Variants in UBXN2B observed in about 807,000 individuals in gnomAD.
The protein encoded by UBXN2B is UBX domain protein 2B.
UBXN2B carries 19 observed loss-of-function variants against 37.5 expected under a neutral mutation model. That is an observed-to-expected ratio of 0.51 (90% CI 0.35 to 0.74). The LOEUF (loss-of-function observed/expected upper bound fraction) is 0.74. UBXN2B is among the 30% of genes least tolerant of loss of function. The probability of loss-of-function intolerance (pLI) is 0.01; values close to 1 mark genes in which losing one functional copy is unlikely to be tolerated. For synonymous variants in UBXN2B, 145 were observed against 143.8 expected (o/e 1.01, Z -0.06); for missense variants, 370 against 393.2 (o/e 0.94, Z 0.50).
At chr8:58,417,417 T>C (rs1465613522) in intron 2 of UBXN2B, among the ~76,000 whole-genome samples, 5 of 152,224 alleles carry the variant, frequency 3.3e-5, no homozygotes, top group African/African-American at 9.6e-5. Context: ...TCTTTTGTCC[T>C]CCATTTAAGA....
At position 58,450,043 on chromosome 8, in the gene UBXN2B, G is replaced by C. The variant is rs1808769655; in HGVS notation, c.*2492G>C. 6.6e-6 allele frequency: 1 copy of C among 152,164 alleles called. No homozygotes were observed. Among genetic ancestry groups the C allele is most frequent in the Non-Finnish European group, 1.5e-5 (1 of 68,018 alleles). 9.4% of individuals were successfully genotyped at this position (152,164 alleles called of 1,614,324 possible). On this transcript the variant is annotated 3_prime_UTR_variant, in exon 8 of 8. Transcript: ENST00000399598. ...GATTCACACCCTTAATATCTTCAAA[G>C]AGTCTTGTGTGTGACCTGATATTCA...
intron 1 of UBXN2B, 28 bp from the exon 2 acceptor site, chr8:58,416,822 A>C (rs754675983): frequency 6.3e-7 from 1 of 1,595,222 alleles, no homozygotes; most frequent in Admixed American, 1.7e-5. Flanking sequence ...CTAGTGTTAT[A>C]CTTTGTAACA....
chr8:58,425,014 C>T (rs1397375549), intron 2 of UBXN2B: 3 of 783,440 alleles, frequency 3.8e-6, no homozygotes, highest in Non-Finnish European at 7.1e-6. Context: ...CACGACTGGC[C>T]TTGCATGCAT....
rs984800139 is a variant in UBXN2B at position 58,447,911 on chromosome 8, G to A, written c.*360G>A. 1 of 161,526 alleles carries A rather than the reference G, an allele frequency of 6.2e-6. No individual in the cohort carries two copies. Among genetic ancestry groups the A allele is most frequent in the Non-Finnish European group, 1.3e-5 (1 of 74,412 alleles). The allele number at this position is 161,526 out of a possible 1,614,324, so 10.0% of individuals were successfully genotyped here. ...GGTAAAATTTGCACTAAAGTTTCTT[G>A]ATGCAGCATTGACCAACAGCCATTA... On this transcript the variant is annotated 3_prime_UTR_variant, in exon 8 of 8. Coordinates refer to ENST00000399598, the MANE Select transcript of UBXN2B (RefSeq NM_001077619.2).
chr8:58,438,178 T>G (rs867354751), intron 5 of UBXN2B, among the ~76,000 whole-genome samples: 2 of 152,218 alleles, frequency 1.3e-5, no homozygotes, highest in Admixed American at 6.5e-5. Context: ...TCGCATGGTG[T>G]TAAGCCTACA....
chr8:58,447,396 G>A lies in UBXN2B; in HGVS notation c.841G>A (p.Asp281Asn). Reference protein sequence around the residue: ...QRFNSTHRILDVRNFIVQSRP... With the variant: ...QRFNSTHRILNVRNFIVQSRP... ...TTTGTCTTATTTCTTCAGGATCCTGGATGTCCGGAACTTTATTGTACAGTC... is the reference window on the plus strand; with the variant it reads ...TTTGTCTTATTTCTTCAGGATCCTGAATGTCCGGAACTTTATTGTACAGTC... Residue 281 changes from aspartate (D) to asparagine (N), a missense_variant, in exon 8 of 8, where the codon GAT becomes AAT. Coordinates refer to ENST00000399598, the MANE Select transcript of UBXN2B (RefSeq NM_001077619.2). The A allele has an allele frequency of 1.3e-6, 2 of 1,587,640 alleles. No individual in the cohort carries two copies. Among genetic ancestry groups the A allele is most frequent in the Non-Finnish European group, 1.7e-6 (2 of 1,166,528 alleles).
At chr8:58,426,605 G>A (rs533699268) in intron 2 of UBXN2B, 4 of 750,290 alleles carry the variant, frequency 5.3e-6, no homozygotes, top group African/African-American at 5.1e-5. Context: ...CCAAAAAACT[G>A]CTGTCAGCTC....
intron 5 of UBXN2B, among the ~76,000 whole-genome samples, chr8:58,437,114 A>C (rs1808431230): frequency 6.6e-6 from 1 of 152,148 alleles, no homozygotes; most frequent in African/African-American, 2.4e-5. Context: ...AGTGGTTGTG[A>C]CCAAAGTATT....
chr8:58,425,262 G>A (rs1354142836), intron 2 of UBXN2B: 3 of 1,140,228 alleles, frequency 2.6e-6, no homozygotes, highest in Admixed American at 1.7e-5. Context: ...CATCAGGCCA[G>A]TATTTGACAC....
intron 1 of UBXN2B, among the ~76,000 whole-genome samples, chr8:58,416,316 A>G (rs1218461467): frequency 6.6e-6 from 1 of 152,114 alleles, no homozygotes; most frequent in African/African-American, 2.4e-5. Flanking sequence ...TAAATGGTAT[A>G]TAAACCATAT....
At chr8:58,428,347 T>C (rs982080669) in intron 2 of UBXN2B, among the ~76,000 whole-genome samples, 2 of 152,234 alleles carry the variant, frequency 1.3e-5, no homozygotes, top group South Asian at 4.1e-4. Context: ...CTGGAGGTTT[T>C]AGTCAGCACA....
intron 1 of UBXN2B, among the ~76,000 whole-genome samples, chr8:58,414,088 TG>T (rs1444428299): frequency 6.6e-6 from 1 of 152,242 alleles, no homozygotes. Flanking sequence ...TTTGTTAGGA[TG>T]GACTCAATAG....
chr8:58,440,196 T>C (rs1808507980), intron 6 of UBXN2B, among the ~76,000 whole-genome samples: 2 of 152,232 alleles, frequency 1.3e-5, no homozygotes, highest in Non-Finnish European at 2.9e-5. Flanking sequence ...ACCACTATAT[T>C]ATATGCCTCT....
intron 2 of UBXN2B, among the ~76,000 whole-genome samples, chr8:58,426,962 T>C (rs1408902630): frequency 6.6e-6 from 1 of 152,246 alleles, no homozygotes; most frequent in African/African-American, 2.4e-5. Flanking sequence ...TCAGTCTTAG[T>C]TTTCTTACCT....
chr8:58,423,470 C>T (rs1807986305), intron 2 of UBXN2B, among the ~76,000 whole-genome samples: 3 of 150,656 alleles, frequency 2.0e-5, no homozygotes, highest in African/African-American at 4.9e-5. Flanking sequence ...GAGTCTTGCA[C>T]TGTCGCCCAG....
chr8:58,440,955 C>G (rs966347955), intron 6 of UBXN2B, among the ~76,000 whole-genome samples: 1 of 151,614 alleles, frequency 6.6e-6, no homozygotes, highest in African/African-American at 2.4e-5. Flanking sequence ...TGGAAATTTT[C>G]TCCCTCGTCT....
intron 2 of UBXN2B, chr8:58,426,646 C>CGTGG: frequency 1.3e-6 from 1 of 741,436 alleles, no homozygotes; most frequent in Non-Finnish European, 2.5e-6. Flanking sequence ...TCTGCCTCCA[C>CGTGG]CCCAGTGATA....
At chr8:58,419,046 A>C (rs1275561194) in intron 2 of UBXN2B, among the ~76,000 whole-genome samples, 1 of 152,202 alleles carries the variant, frequency 6.6e-6, no homozygotes, top group Non-Finnish European at 1.5e-5. Context: ...GCTGTGATTA[A>C]TAGGTATAAT....
intron 2 of UBXN2B, among the ~76,000 whole-genome samples, chr8:58,427,392 G>A (rs1175051222): frequency 6.6e-6 from 1 of 152,216 alleles, no homozygotes; most frequent in Non-Finnish European, 1.5e-5. Context: ...GAGTCCAAGA[G>A]GTGGAAGTTG....
Sources: gnomAD v4.1 joint callset for allele counts (sites outside exome capture counted in the v4.1 genomes callset) on GRCh38, gnomAD v4.1.1 for gene constraint, MANE v1.5 for transcripts, NCBI Gene and HGNC (gene_info 2026-07-23, HGNC 2026-07-21) for gene names.